Variants in GLRA3 observed in about 807,000 individuals in gnomAD.
The protein encoded by GLRA3 is glycine receptor alpha 3, also known as glycine receptor subunit alpha-3.
GLRA3 carries 44 observed loss-of-function variants against 60.4 expected under a neutral mutation model. The ratio of observed to expected loss-of-function variants is 0.73; its 90% CI spans 0.57 to 0.94. The LOEUF (loss-of-function observed/expected upper bound fraction) is 0.94, where lower values mean the gene tolerates loss of function less well. GLRA3 is among the 40% of genes least tolerant of loss of function. The pLI is 0.00. For synonymous variants in GLRA3, 223 were observed against 192.9 expected (o/e 1.16, Z -1.29); for missense variants, 508 against 564.6 (o/e 0.90, Z 1.02).
intron 4 of GLRA3, chr4:174,723,095 C>A (rs958296407): frequency 6.0e-6 from 1 of 166,716 alleles, no homozygotes; most frequent in East Asian, 1.9e-4. Context: ...AGACAAAATT[C>A]CAGTTTTATT....
rs531892449 is a variant in GLRA3, at chr4:174,804,665, C to G, written c.72-15722G>C. 4.6e-5 allele frequency among the ~76,000 whole-genome samples: 7 copies of G among 152,152 alleles called. No individual in the cohort carries two copies. The South Asian group carries it at 1.5e-3, about 32-fold the overall frequency. On this transcript the variant is annotated intron_variant, in intron 1 of 9. Transcript: ENST00000274093. ...CACAGAAAACTAGGACATGGATACA[C>G]CAGAATGAGGTTAAGAGTGGAAATT...
At chr4:174,748,155 T>C (rs1481054797) in intron 3 of GLRA3, among the ~76,000 whole-genome samples, 1 of 151,982 alleles carries the variant, frequency 6.6e-6, no homozygotes, top group African/African-American at 2.4e-5. Flanking sequence ...AAGAAGATAA[T>C]AGTGCAAATA....
chr4:174,816,422 A>G lies in GLRA3; in HGVS notation c.71+12319T>C, dbSNP rs11930421. 7.2e-3 allele frequency among the ~76,000 whole-genome samples: 1,091 copies of G among 152,286 alleles called. 14 individuals are homozygous for G. The highest frequency in any genetic ancestry group is 0.025 in the African/African-American group (1,039 of 41,564). On this transcript the variant is annotated intron_variant, in intron 1 of 9. Coordinates refer to ENST00000274093, the MANE Select transcript of GLRA3 (RefSeq NM_006529.4). ...AAATCTCACCTATTTCCAGTTCTGT[A>G]TATTTATTAAATGGATATCTCATAG...
chr4:174,799,996 C>G (rs887494761), intron 1 of GLRA3, among the ~76,000 whole-genome samples: 7 of 152,096 alleles, frequency 4.6e-5, no homozygotes, highest in African/African-American at 1.7e-4. Context: ...AATAAAAAAA[C>G]TGAGAATTTC....
In GLRA3 at chr4:174,716,052, T is replaced by C. The variant is rs139124980; in HGVS notation, c.492-482A>G. On this transcript the variant is annotated intron_variant, in intron 4 of 9. Coordinates refer to ENST00000274093, the MANE Select transcript of GLRA3 (RefSeq NM_006529.4). Reference sequence around the variant, plus strand: ...AATCACATGCTATATTCCAGAGGCATTAGAGTTCTAAACGTGGAAAAGCAG... The same window carrying C: ...AATCACATGCTATATTCCAGAGGCACTAGAGTTCTAAACGTGGAAAAGCAG... Among the ~76,000 whole-genome samples, 9 of 152,294 alleles carry C rather than the reference T, an allele frequency of 5.9e-5. No homozygotes were observed. The East Asian group carries it at 1.7e-3, about 29-fold the overall frequency.
intron 5 of GLRA3, among the ~76,000 whole-genome samples, chr4:174,691,504 C>T (rs1734799599): frequency 2.0e-5 from 3 of 152,214 alleles, no homozygotes; most frequent in African/African-American, 7.2e-5. Context: ...ATTCTCCTGC[C>T]TCAGCCTGCC....
At chr4:174,724,355 A>G (rs1736240093) in intron 4 of GLRA3, among the ~76,000 whole-genome samples, 1 of 152,050 alleles carries the variant, frequency 6.6e-6, no homozygotes, top group African/African-American at 2.4e-5. Flanking sequence ...AATGAGTTTC[A>G]TATTTTTATA....
chr4:174,804,729 C>G (rs756964928), intron 1 of GLRA3, among the ~76,000 whole-genome samples: 3 of 152,216 alleles, frequency 2.0e-5, no homozygotes, highest in Non-Finnish European at 2.9e-5. Flanking sequence ...CTGCACAGAA[C>G]GCGCGGTCCT....
At chr4:174,678,194 C>T (rs1239438912) in intron 6 of GLRA3, among the ~76,000 whole-genome samples, 1 of 152,140 alleles carries the variant, frequency 6.6e-6, no homozygotes, top group Non-Finnish European at 1.5e-5. Context: ...TTTTATGTCT[C>T]TATTATTTAC....
chr4:174,692,492 T>C lies in GLRA3; in HGVS notation c.575-9553A>G, dbSNP rs1339019686. 6.6e-5 allele frequency among the ~76,000 whole-genome samples: 10 copies of C among 150,412 alleles called. No individual in the cohort carries two copies. In the East Asian group the frequency reaches 1.9e-3, roughly 29 times the overall value. ...TGATGACAATGGCGGTTTTGTGGAA[T>C]AGAAAGGGGGGAAAGGTGGGGAAAA... On this transcript the variant is annotated intron_variant, in intron 5 of 9. Transcript: ENST00000274093.
chr4:174,761,253 T>C (rs975665202), intron 3 of GLRA3, among the ~76,000 whole-genome samples: 4 of 152,150 alleles, frequency 2.6e-5, no homozygotes, highest in Admixed American at 1.3e-4. Flanking sequence ...GAGAGATAGA[T>C]AGATAATATC....
chr4:174,788,690 G>T, intron 2 of GLRA3, 126 bp downstream of exon 2: 1 of 479,290 alleles, frequency 2.1e-6, no homozygotes, highest in East Asian at 4.2e-5. Flanking sequence ...ACACCTTGGT[G>T]ACTAATGCAA....
At chr4:174,652,468 T>G (rs2110866852) in intron 9 of GLRA3, among the ~76,000 whole-genome samples, 1 of 152,214 alleles carries the variant, frequency 6.6e-6, no homozygotes, top group South Asian at 2.1e-4. Context: ...GTAAACCTTC[T>G]TACTATGTTT....
At position 174,642,765 on chromosome 4, in the gene GLRA3, A is replaced by G; in HGVS notation, c.*1021T>C. ...CTTATATTTGGAGATAGGAGTTGAG[A>G]CCCATAAAACATTGATGGGAAAATG... On this transcript the variant is annotated 3_prime_UTR_variant, in exon 10 of 10. Coordinates refer to ENST00000274093, the MANE Select transcript of GLRA3 (RefSeq NM_006529.4). 1.3e-6 allele frequency: 1 copy of G among 765,842 alleles called. No individual in the cohort carries two copies. Among genetic ancestry groups the G allele is most frequent in the Non-Finnish European group, 1.6e-6 (1 of 629,788 alleles). 47.4% of individuals were successfully genotyped at this position (765,842 alleles called of 1,614,324 possible). A position where few individuals can be genotyped will look rare whatever the true frequency, so the allele number is the denominator to read the frequency against.
intron 1 of GLRA3, among the ~76,000 whole-genome samples, chr4:174,818,594 C>A (rs912538621): frequency 1.3e-5 from 2 of 152,054 alleles, no homozygotes; most frequent in Non-Finnish European, 2.9e-5. Flanking sequence ...GGAAGAGATA[C>A]CCTAAATTTC....
In GLRA3 at chr4:174,642,239, T is replaced by C. The variant is rs1232769262; in HGVS notation, c.*1547A>G. 2 of 915,904 alleles carry C rather than the reference T, an allele frequency of 2.2e-6. No individual in the cohort carries two copies. The highest frequency in any genetic ancestry group is 2.6e-6 in the Non-Finnish European group (2 of 766,842). 56.7% of individuals were successfully genotyped at this position (915,904 alleles called of 1,614,324 possible). Reference sequence around the variant, plus strand: ...AAAGGTTTTAGTTTTAAATGGTAGTTTTTGCTTTTAATTTGAAAGTGGTTG... The same window carrying C: ...AAAGGTTTTAGTTTTAAATGGTAGTCTTTGCTTTTAATTTGAAAGTGGTTG... On this transcript the variant is annotated 3_prime_UTR_variant, in exon 10 of 10. Transcript: ENST00000274093.
chr4:174,759,115 C>T (rs1426513804), intron 3 of GLRA3, among the ~76,000 whole-genome samples: 3 of 152,006 alleles, frequency 2.0e-5, no homozygotes, highest in African/African-American at 7.2e-5. Flanking sequence ...GGAATAAACT[C>T]AATTTCATTT....
intron 4 of GLRA3, 32 bp from the exon 5 acceptor site, chr4:174,715,602 A>T (rs1361598574): frequency 1.0e-6 from 1 of 966,234 alleles, no homozygotes; most frequent in Admixed American, 1.9e-5. Context: ...TTTAAAGGAA[A>T]TTTATGACAT....
At chr4:174,651,694 A>G (rs1176588537) in intron 9 of GLRA3, among the ~76,000 whole-genome samples, 2 of 152,168 alleles carry the variant, frequency 1.3e-5, no homozygotes, top group Admixed American at 1.3e-4. Flanking sequence ...GCATAAAAGT[A>G]AAAACATCAT....
Sources: gnomAD v4.1 joint callset for allele counts (sites outside exome capture counted in the v4.1 genomes callset) on GRCh38, gnomAD v4.1.1 for gene constraint, MANE v1.5 for transcripts, NCBI Gene and HGNC (gene_info 2026-07-23, HGNC 2026-07-21) for gene names.